BLTP3B: variants seen among roughly 807,000 people sequenced by gnomAD.
BLTP3B encodes bridge-like lipid transfer protein family member 3B, also known as UHRF1 (ICBP90) binding protein 1-like.
chr12:100,135,170 C>T, the BLTP3B span, among the ~76,000 whole-genome samples: 10 of 152,272 alleles, frequency 6.6e-5, no homozygotes, highest in East Asian at 1.9e-4. Flanking sequence ...TGGTGGTCTT[C>T]GTATGTTTTC....
chr12:100,129,122 T>C, the BLTP3B span, among the ~76,000 whole-genome samples: 1 of 152,014 alleles, frequency 6.6e-6, no homozygotes, highest in East Asian at 1.9e-4. Context: ...TCAAACTGGT[T>C]TAAGTGACAA....
At chr12:100,058,256 T>C in the BLTP3B span, 1 of 1,613,482 alleles carries the variant, frequency 6.2e-7, no homozygotes, top group Non-Finnish European at 8.5e-7. Context: ...AGATACTACT[T>C]GAATCTGTAT....
chr12:100,134,638 T>C, the BLTP3B span, among the ~76,000 whole-genome samples: 2 of 151,798 alleles, frequency 1.3e-5, no homozygotes, highest in African/African-American at 4.8e-5. Context: ...AAAATCGAAC[T>C]TTCATCCAAC....
the BLTP3B span, among the ~76,000 whole-genome samples, chr12:100,119,208 A>G: frequency 6.6e-6 from 1 of 152,210 alleles, no homozygotes; most frequent in African/African-American, 2.4e-5. Context: ...CATAAGAAAT[A>G]TGAAATTTTT....
chr12:100,080,956 G>C, the BLTP3B span, among the ~76,000 whole-genome samples: 1 of 152,300 alleles, frequency 6.6e-6, no homozygotes, highest in African/African-American at 2.4e-5. Flanking sequence ...ATTGAATTAT[G>C]GGGGTGGGTC....
chr12:100,108,510 C>T, the BLTP3B span: 2 of 1,612,316 alleles, frequency 1.2e-6, no homozygotes, highest in Non-Finnish European at 1.7e-6. Flanking sequence ...TTTAAGGGTA[C>T]TTAGATTTAT....
At chr12:100,094,960 AG>A in the BLTP3B span, among the ~76,000 whole-genome samples, 1 of 152,236 alleles carries the variant, frequency 6.6e-6, no homozygotes, top group Non-Finnish European at 1.5e-5. Context: ...ATAGCTTCGT[AG>A]GTGTATAATT....
the BLTP3B span, chr12:100,097,293 G>C: frequency 6.7e-7 from 1 of 1,484,438 alleles, no homozygotes; most frequent in Admixed American, 2.2e-5. Flanking sequence ...TTAACTAATA[G>C]TTAACACACA....
the BLTP3B span, chr12:100,050,095 T>C: frequency 3.9e-6 from 5 of 1,294,702 alleles, no homozygotes; most frequent in Non-Finnish European, 5.1e-6. Context: ...ATAGGATTGC[T>C]GGTGAGACAT....
the BLTP3B span, among the ~76,000 whole-genome samples, chr12:100,040,762 T>C: frequency 6.6e-6 from 1 of 152,072 alleles, no homozygotes; most frequent in African/African-American, 2.4e-5. Flanking sequence ...AGACAATAAC[T>C]ACCTAAATAG....
chr12:100,108,284 C>T, the BLTP3B span: 23 of 1,248,698 alleles, frequency 1.8e-5, no homozygotes, highest in Non-Finnish European at 2.0e-5. Flanking sequence ...TGTTTTTACA[C>T]AATTATCTAA....
chr12:100,071,306 G>T, the BLTP3B span, among the ~76,000 whole-genome samples: 1 of 151,948 alleles, frequency 6.6e-6, no homozygotes, highest in Non-Finnish European at 1.5e-5. Context: ...AGACCAGCCT[G>T]GCCAACATGA....
the BLTP3B span, among the ~76,000 whole-genome samples, chr12:100,139,070 T>C: frequency 6.6e-6 from 1 of 152,162 alleles, no homozygotes; most frequent in Non-Finnish European, 1.5e-5. Flanking sequence ...GCTTTTCCTG[T>C]TTCACTCTGG....
the BLTP3B span, among the ~76,000 whole-genome samples, chr12:100,093,157 C>A: frequency 3.3e-5 from 5 of 152,260 alleles, no homozygotes; most frequent in East Asian, 9.6e-4. Flanking sequence ...TATGTTAGGG[C>A]CCAGTGGTCT....
chr12:100,124,955 TA>T, the BLTP3B span, among the ~76,000 whole-genome samples: 5 of 86,956 alleles, frequency 5.8e-5, no homozygotes, highest in African/African-American at 2.6e-4. Flanking sequence ...TATATATATA[TA>T]TATATATATA....
the BLTP3B span, among the ~76,000 whole-genome samples, chr12:100,138,372 A>AG: frequency 2.6e-5 from 4 of 152,254 alleles, no homozygotes; most frequent in Non-Finnish European, 5.9e-5. Context: ...ACAGAACCCT[A>AG]GCTCAATCAT....
the BLTP3B span, among the ~76,000 whole-genome samples, chr12:100,103,411 A>T: frequency 6.6e-6 from 1 of 152,164 alleles, no homozygotes; most frequent in Non-Finnish European, 1.5e-5. Context: ...TACTCCAGTC[A>T]TTCTTCATTC....
chr12:100,121,448 G>A, the BLTP3B span, among the ~76,000 whole-genome samples: 2 of 151,824 alleles, frequency 1.3e-5, no homozygotes, highest in South Asian at 2.1e-4. Context: ...AGGAGAGAGA[G>A]GATTACAAAG....
the BLTP3B span, chr12:100,092,822 T>C: frequency 3.6e-4 from 300 of 839,172 alleles, no homozygotes; most frequent in Non-Finnish European, 4.2e-4. Flanking sequence ...ATAGTATTTA[T>C]GTCTATGATG....
Sources: allele counts gnomAD v4.1 joint callset (sites outside exome capture counted in the v4.1 genomes callset), GRCh38; gene constraint gnomAD v4.1.1; transcripts MANE v1.5; gene names NCBI Gene and HGNC (gene_info 2026-07-23, HGNC 2026-07-21).